The following NFX1 variants were observed in gnomAD, a reference collection of about 807,000 sequenced individuals.
NFX1 encodes the protein nuclear transcription factor, X-box binding 1, also known as transcriptional repressor NF-X1.
In NFX1, 69 loss-of-function variants were observed where a neutral mutation model predicts 137.2. That is an observed-to-expected ratio of 0.50 (90% CI 0.41 to 0.61). The LOEUF (loss-of-function observed/expected upper bound fraction) is 0.61, where lower values mean the gene tolerates loss of function less well. Among genes scored for constraint, NFX1 ranks in the 20% least tolerant of loss-of-function variants. NFX1 has a pLI of 0.00. For missense variants in NFX1, 1,167 were observed against 1,391.0 expected (o/e 0.84, Z 2.56); for synonymous variants, 495 against 474.1 (o/e 1.04, Z -0.57).
intron 10 of NFX1, among the ~76,000 whole-genome samples, chr9:33,328,971 C>A (rs1183061851): frequency 1.3e-5 from 2 of 152,152 alleles, no homozygotes; most frequent in African/African-American, 4.8e-5. Context: ...ACTTTTGATA[C>A]CAATTGAAAG....
chr9:33,300,280 G>T (rs1351507651), intron 2 of NFX1, among the ~76,000 whole-genome samples: 1 of 151,776 alleles, frequency 6.6e-6, no homozygotes. Context: ...GGCCAGGATG[G>T]TCTTGATCTC....
Position 33,294,419 on chromosome 9 carries a change from G to T in NFX1, c.26-1G>T. ...TGGCATGTCTATTTTTTATGTCCTA[G>T]GTACTTTTAAATTCAATACAGATGC... is the stretch of plus-strand genomic sequence containing the variant. On this transcript the variant is annotated splice_acceptor_variant, in intron 1 of 23. Transcript: ENST00000379540. LOFTEE classifies it high-confidence loss of function. The T allele has an allele frequency of 2.6e-6, 4 of 1,553,846 alleles. No homozygotes were observed. The highest frequency in any genetic ancestry group is 3.5e-6 in the Non-Finnish European group (4 of 1,154,432).
At chr9:33,346,416 G>A (rs1351583958) in intron 14 of NFX1, among the ~76,000 whole-genome samples, 1 of 152,186 alleles carries the variant, frequency 6.6e-6, no homozygotes, top group East Asian at 1.9e-4. Flanking sequence ...GTGACCTTGA[G>A]GTTCTTAACA....
chr9:33,318,311 CACT>C (rs1275373356), intron 7 of NFX1, among the ~76,000 whole-genome samples: 8 of 152,122 alleles, frequency 5.3e-5, no homozygotes, highest in African/African-American at 7.2e-5. Context: ...ACTCCTCCAC[CACT>C]ACTACCAGCT....
At chr9:33,317,819 T>C (rs1158978811) in intron 7 of NFX1, among the ~76,000 whole-genome samples, 1 of 151,542 alleles carries the variant, frequency 6.6e-6, no homozygotes, top group Admixed American at 6.6e-5. Flanking sequence ...CTCCTAAAAA[T>C]ACAGAAATTA....
chr9:33,313,020 C>A (rs1822018941), intron 6 of NFX1, among the ~76,000 whole-genome samples: 1 of 152,182 alleles, frequency 6.6e-6, no homozygotes, highest in South Asian at 2.1e-4. Flanking sequence ...CAGGATAATG[C>A]CATTGTGCTG....
intron 6 of NFX1, among the ~76,000 whole-genome samples, chr9:33,312,279 G>C (rs1490797943): frequency 2.0e-5 from 3 of 152,158 alleles, no homozygotes; most frequent in African/African-American, 7.2e-5. Flanking sequence ...TGTTGATTCT[G>C]GGCAAGTTGC....
At chr9:33,346,309 T>C (rs954458550) in intron 14 of NFX1, among the ~76,000 whole-genome samples, 1 of 152,222 alleles carries the variant, frequency 6.6e-6, no homozygotes, top group African/African-American at 2.4e-5. Flanking sequence ...TTTAGCCTAT[T>C]TTGTTCCCCA....
intron 2 of NFX1, among the ~76,000 whole-genome samples, chr9:33,296,679 G>A (rs1472019428): frequency 6.6e-6 from 1 of 152,250 alleles, no homozygotes; most frequent in Non-Finnish European, 1.5e-5. Flanking sequence ...AGGCTGCAGT[G>A]AGCTATTGTA....
At chr9:33,318,622 T>G in intron 7 of NFX1, 109 bp from the exon 8 acceptor site, 1 of 976,502 alleles carries the variant, frequency 1.0e-6, no homozygotes, top group Non-Finnish European at 1.6e-6. Flanking sequence ...ATTACAGGCA[T>G]GAGCGACTGT....
chr9:33,319,415 G>A lies in NFX1; in HGVS notation c.1906+288G>A, dbSNP rs369600703. Among the ~76,000 whole-genome samples the A allele has an allele frequency of 1.3e-3, 204 of 152,312 alleles. 9 individuals are homozygous for A. In the South Asian group the frequency reaches 0.041, roughly 30 times the overall value. Reference sequence around the variant, plus strand: ...ATGATTTCTCTTAGGAGCCTGTACTGTAATGAACACTATATGTATTTATAC... The same window carrying A: ...ATGATTTCTCTTAGGAGCCTGTACTATAATGAACACTATATGTATTTATAC... On this transcript the variant is annotated intron_variant, in intron 9 of 23. Transcript: ENST00000379540.
At chr9:33,313,496 A>G (rs1436666880) in intron 6 of NFX1, among the ~76,000 whole-genome samples, 158 bp from the exon 7 acceptor site, 1 of 152,120 alleles carries the variant, frequency 6.6e-6, no homozygotes, top group African/African-American at 2.4e-5. Context: ...TTGAGAAAAT[A>G]AGAATTGGAG....
In NFX1 at chr9:33,326,242, G is replaced by A. The variant is rs966508136; in HGVS notation, c.1907-2339G>A. Among the ~76,000 whole-genome samples, 7 of 151,966 alleles carry A rather than the reference G, an allele frequency of 4.6e-5. 1 individual carries two copies. The highest frequency in any genetic ancestry group is 2.0e-4 in the Admixed American group (3 of 15,232). Reference sequence around the variant, plus strand: ...AGCCTGACCAACATGGTGAAACTCCGTTTCTACTAAAAATACAAAAATTAG... The same window carrying A: ...AGCCTGACCAACATGGTGAAACTCCATTTCTACTAAAAATACAAAAATTAG... On this transcript the variant is annotated intron_variant, in intron 9 of 23. Transcript: ENST00000379540.
At chr9:33,301,534 G>C (rs1262503929) in intron 3 of NFX1, 113 bp downstream of exon 3, 4 of 1,136,584 alleles carry the variant, frequency 3.5e-6, no homozygotes, top group East Asian at 2.5e-5. Flanking sequence ...TTTTTCTGCA[G>C]GGAGAGTATG....
At position 33,315,627 on chromosome 9, in the gene NFX1, C is replaced by T. The variant is rs370627870; in HGVS notation, c.1588+1834C>T. ...AAAAGTGGCTAGATTGGCCTGGGCA[C>T]GGTAGCTCATGCACTCTGGGAGGCC... On this transcript the variant is annotated intron_variant, in intron 7 of 23. Transcript: ENST00000379540. 7.9e-5 allele frequency among the ~76,000 whole-genome samples: 12 copies of T among 151,406 alleles called. No individual in the cohort carries two copies. The South Asian group carries it at 2.1e-3, about 26-fold the overall frequency.
chr9:33,313,826 G>A, intron 7 of NFX1, 33 bp downstream of exon 7: 1 of 1,599,996 alleles, frequency 6.3e-7, no homozygotes, highest in Non-Finnish European at 8.5e-7. Flanking sequence ...AGCAATGCTT[G>A]TGTTCTTTTC....
chr9:33,368,999 G>A (rs185523531), intron 23 of NFX1, among the ~76,000 whole-genome samples: 16 of 152,272 alleles, frequency 1.1e-4, no homozygotes, highest in Admixed American at 5.9e-4. Context: ...TGCCAGAGTC[G>A]GGTCCAGTCC....
At chr9:33,328,489 T>C in intron 9 of NFX1, 92 bp from the exon 10 acceptor site, 1 of 833,868 alleles carries the variant, frequency 1.2e-6, no homozygotes, top group East Asian at 2.5e-5. Flanking sequence ...TTGCAGGGCA[T>C]GGAGGGGAAG....
chr9:33,339,033 T>C (rs1823119701), intron 12 of NFX1, among the ~76,000 whole-genome samples: 1 of 152,142 alleles, frequency 6.6e-6, no homozygotes, highest in Non-Finnish European at 1.5e-5. Flanking sequence ...AATAAAATAT[T>C]TATTTAAAAT....
Sources: gnomAD v4.1 joint callset for allele counts (sites outside exome capture counted in the v4.1 genomes callset) on GRCh38, gnomAD v4.1.1 for gene constraint, MANE v1.5 for transcripts, NCBI Gene and HGNC (gene_info 2026-07-23, HGNC 2026-07-21) for gene names.